The following ENOX2 variants were observed in gnomAD, a reference collection of about 807,000 sequenced individuals.
The protein encoded by ENOX2 is ecto-NOX disulfide-thiol exchanger 2.
Under a neutral mutation model 45.0 loss-of-function variants are expected in ENOX2, and 36 were observed. The ratio of observed to expected loss-of-function variants is 0.80; its 90% CI spans 0.61 to 1.06. ENOX2 has a LOEUF of 1.06. ENOX2 is among the 50% of genes least tolerant of loss of function. The probability of loss-of-function intolerance (pLI) is 0.00; values close to 1 mark genes in which losing one functional copy is unlikely to be tolerated. For missense variants in ENOX2, 423 were observed against 462.5 expected (o/e 0.91, Z 0.78); for synonymous variants, 174 against 152.3 (o/e 1.14, Z -1.05).
intron 2 of ENOX2, among the ~76,000 whole-genome samples, chrX:130,848,705 T>C (rs1468801026): frequency 1.8e-5 from 2 of 111,524 alleles, no homozygotes; most frequent in Non-Finnish European, 3.8e-5. Flanking sequence ...TCCTAGAAGA[T>C]GTGTCTGCAA....
rs2079145285 is a variant in ENOX2 at position 130,901,678 on chromosome X, ACATAC to A, written c.-183+1_-183+5del. The A allele has an allele frequency of 8.9e-6, 1 of 112,517 alleles. No homozygotes were observed. The highest frequency in any genetic ancestry group is 1.9e-5 in the Non-Finnish European group (1 of 53,266). The allele number at this position is 112,517 out of a possible 1,213,427, so 9.3% of individuals were successfully genotyped here. Reference sequence around the variant, plus strand: ...TCTTGGATTTAAACTCACACCTGGAACATACCATCACACTTCTTTGTGTTCTCCAA... The same window carrying A: ...TCTTGGATTTAAACTCACACCTGGAACATCACACTTCTTTGTGTTCTCCAA... On this transcript the variant is annotated splice_donor_variant and splice_donor_5th_base_variant and intron_variant, in intron 2 of 14. Transcript: ENST00000394363. LOFTEE classifies it low-confidence loss of function (5UTR_SPLICE).
intron 12 of ENOX2, among the ~76,000 whole-genome samples, chrX:130,632,440 C>T: frequency 9.5e-6 from 1 of 105,534 alleles, no homozygotes; most frequent in South Asian, 4.5e-4. Context: ...TACCTCCAGA[C>T]CTTTCATGGC....
intron 8 of ENOX2, among the ~76,000 whole-genome samples, chrX:130,667,112 T>C (rs1180592440): frequency 8.9e-6 from 1 of 112,164 alleles, no homozygotes; most frequent in African/African-American, 3.2e-5. Context: ...CCTTGGGAAA[T>C]ATAATTACAT....
chrX:130,646,192 GCAGT>G, intron 10 of ENOX2: 1 of 482,606 alleles, frequency 2.1e-6, no homozygotes, highest in Non-Finnish European at 3.8e-6. Context: ...CCTCTCCATG[GCAGT>G]CAAAGATCAC....
intron 2 of ENOX2, among the ~76,000 whole-genome samples, chrX:130,835,645 T>C (rs1351281621): frequency 9.0e-6 from 1 of 111,220 alleles, no homozygotes; most frequent in Non-Finnish European, 1.9e-5. Context: ...TCCCGAGGCC[T>C]GGGTTTGTAC....
chrX:130,712,951 T>A lies in ENOX2; in HGVS notation c.-38-9697A>T, dbSNP rs759574936. Among the ~76,000 whole-genome samples the A allele has an allele frequency of 2.7e-5, 3 of 112,047 alleles. No homozygotes were observed. In the East Asian group the frequency reaches 8.4e-4, roughly 32 times the overall value. ...CAGGTAACTCAGATACTTCCACCAC[T>A]AACAGTATTATACAATATAATTCTT... is the stretch of plus-strand genomic sequence containing the variant. On this transcript the variant is annotated intron_variant, in intron 3 of 14. Transcript: ENST00000394363.
intron 3 of ENOX2, among the ~76,000 whole-genome samples, chrX:130,726,866 G>A (rs2038618593): frequency 8.9e-6 from 1 of 112,420 alleles, no homozygotes. Context: ...TTTGTCATAA[G>A]TGAGAATGAG....
At chrX:130,678,751 ATT>A (rs1056648291) in intron 6 of ENOX2, among the ~76,000 whole-genome samples, 7 of 110,991 alleles carry the variant, frequency 6.3e-5, no homozygotes, top group African/African-American at 2.3e-4. Context: ...ATATTTTGCC[ATT>A]TCCAGAATGT....
chrX:130,665,806 A>G lies in ENOX2; in HGVS notation c.908-57T>C, dbSNP rs2036820381. The stretch of plus-strand genomic sequence containing the variant: ...CAGGGTATCATCCAGGGATGGAAAA[A>G]GAGAGGAGAAAAGAAATGAAATAAA... On this transcript the variant is annotated intron_variant, in intron 8 of 14. Transcript: ENST00000394363. 4 of 693,572 alleles carry G rather than the reference A, an allele frequency of 5.8e-6. No individual in the cohort carries two copies. The South Asian group carries it at 6.9e-5, about 12-fold the overall frequency. 57.2% of individuals were successfully genotyped at this position (693,572 alleles called of 1,213,427 possible).
chrX:130,880,901 C>T (rs12010970), intron 2 of ENOX2, among the ~76,000 whole-genome samples: 83 of 111,943 alleles, frequency 7.4e-4, no homozygotes, highest in African/African-American at 2.6e-3. Flanking sequence ...CACTTTAGGC[C>T]GTTTTTAAAA....
At chrX:130,686,253 C>T (rs1208196906) in intron 5 of ENOX2, among the ~76,000 whole-genome samples, 3 of 111,046 alleles carry the variant, frequency 2.7e-5, no homozygotes, top group Non-Finnish European at 5.7e-5. Context: ...GTGGATTTCT[C>T]ATGAATGATT....
At chrX:130,840,551 A>AAATC (rs1338354543) in intron 2 of ENOX2, among the ~76,000 whole-genome samples, 1 of 109,462 alleles carries the variant, frequency 9.1e-6, no homozygotes, top group East Asian at 2.8e-4. Flanking sequence ...ATAAATAAAT[A>AAATC]AATAAATAAA....
intron 10 of ENOX2, among the ~76,000 whole-genome samples, chrX:130,639,063 T>C (rs2036013037): frequency 9.0e-6 from 1 of 111,143 alleles, no homozygotes; most frequent in Non-Finnish European, 1.9e-5. Flanking sequence ...TTTGTAAGTT[T>C]TAGCTCCAGG....
intron 3 of ENOX2, among the ~76,000 whole-genome samples, chrX:130,712,625 T>C (rs2038222693): frequency 2.7e-5 from 3 of 111,145 alleles, no homozygotes; most frequent in Non-Finnish European, 5.7e-5. Flanking sequence ...CCCCCACACA[T>C]GCAGGCAGCT....
intron 3 of ENOX2, among the ~76,000 whole-genome samples, chrX:130,735,409 T>C (rs1444670519): frequency 1.8e-5 from 2 of 112,060 alleles, no homozygotes; most frequent in Non-Finnish European, 3.8e-5. Context: ...ATGCTTTAGG[T>C]GGCAAAGCTG....
At chrX:130,797,778 T>C (rs2077156633) in intron 2 of ENOX2, among the ~76,000 whole-genome samples, 1 of 111,713 alleles carries the variant, frequency 9.0e-6, no homozygotes, top group African/African-American at 3.3e-5. Context: ...AGGCAATTGT[T>C]TTCTTTGGCA....
At chrX:130,747,202 C>T (rs1603338564) in intron 3 of ENOX2, among the ~76,000 whole-genome samples, 1 of 110,484 alleles carries the variant, frequency 9.1e-6, no homozygotes, top group Admixed American at 9.6e-5. Flanking sequence ...AAATGAAGCC[C>T]TTAAACGTCA....
At chrX:130,874,292 C>T (rs1456681722) in intron 2 of ENOX2, among the ~76,000 whole-genome samples, 5 of 112,264 alleles carry the variant, frequency 4.5e-5, no homozygotes, top group African/African-American at 1.6e-4. Context: ...ACTTTTGACA[C>T]CATCTAGGGG....
chrX:130,700,954 C>T (rs1027960576), intron 4 of ENOX2, among the ~76,000 whole-genome samples: 3 of 111,645 alleles, frequency 2.7e-5, no homozygotes, highest in African/African-American at 6.5e-5. Context: ...CCCTCCACCA[C>T]ACTGTTTAGA....
Sources: gnomAD v4.1 joint callset for allele counts (sites outside exome capture counted in the v4.1 genomes callset) on GRCh38, gnomAD v4.1.1 for gene constraint, MANE v1.5 for transcripts, NCBI Gene and HGNC (gene_info 2026-07-23, HGNC 2026-07-21) for gene names.